NUBPL: variants seen among roughly 807,000 people sequenced by gnomAD.
NUBPL encodes iron-sulfur cluster transfer protein NUBPL.
NUBPL carries 31 observed loss-of-function variants against 45.7 expected under a neutral mutation model. The observed-to-expected ratio is 0.68, with a 90% CI of 0.51 to 0.92. The LOEUF (loss-of-function observed/expected upper bound fraction) is 0.92. NUBPL is among the 40% of genes least tolerant of loss of function. The pLI is 0.00. For synonymous variants in NUBPL, 144 were observed against 140.9 expected (o/e 1.02, Z -0.15); for missense variants, 401 against 398.7 (o/e 1.01, Z -0.05).
At chr14:31,857,993 C>T (rs2040652065) in intron 10 of NUBPL, among the ~76,000 whole-genome samples, 1 of 152,154 alleles carries the variant, frequency 6.6e-6, no homozygotes, top group Admixed American at 6.5e-5. Flanking sequence ...TGTTTTCACA[C>T]TGCTGATAAA....
chr14:31,697,666 G>T (rs560292538), intron 6 of NUBPL, among the ~76,000 whole-genome samples: 128 of 152,304 alleles, frequency 8.4e-4, no homozygotes, highest in African/African-American at 3.0e-3. Context: ...CTGACCAGCA[G>T]AGTTAAAGAG....
intron 3 of NUBPL, among the ~76,000 whole-genome samples, chr14:31,570,102 C>T (rs1166419273): frequency 1.3e-5 from 2 of 152,096 alleles, no homozygotes; most frequent in East Asian, 3.8e-4. Context: ...TTGCCAGACA[C>T]CGGCAGAAAG....
rs141773322 is a variant in NUBPL at position 31,642,107 on chromosome 14, A to G, written c.383-31248A>G. Among the ~76,000 whole-genome samples the G allele has an allele frequency of 0.014, 2,148 of 152,216 alleles. 167 individuals carry two copies. In the East Asian group the frequency reaches 0.23, roughly 17 times the overall value. On this transcript the variant is annotated intron_variant, in intron 4 of 10. Coordinates refer to ENST00000281081, the MANE Select transcript of NUBPL (RefSeq NM_025152.3). ...TCCCTTGTCAGATGGATAGTTTACAAATATTTTCTCTCATTCTGTGGGTGG... is the reference window on the plus strand; with the variant it reads ...TCCCTTGTCAGATGGATAGTTTACAGATATTTTCTCTCATTCTGTGGGTGG...
At chr14:31,655,772 A>G (rs8015640) in intron 4 of NUBPL, among the ~76,000 whole-genome samples, 25,796 of 152,190 alleles carry the variant, frequency 0.17, 6,271 homozygotes, top group African/African-American at 0.54. Flanking sequence ...TTCCATTTAT[A>G]GAGCACAGGC....
At position 31,750,979 on chromosome 14, in the gene NUBPL, G is replaced by GGA. The variant is rs372596077; in HGVS notation, c.514-36787_514-36786dup. ...CATAGAACTTCTTCACATGGTGGCAGGAGAGAGAGAGAGAGTGAAGAGGGA... is the reference window on the plus strand; with the variant it reads ...CATAGAACTTCTTCACATGGTGGCAGGAGAGAGAGAGAGAGAGTGAAGAGGGA... On this transcript the variant is annotated intron_variant, in intron 6 of 10. Transcript: ENST00000281081. Among the ~76,000 whole-genome samples the GGA allele has an allele frequency of 2.4e-3, 362 of 151,918 alleles. 2 individuals are homozygous for GGA. Among genetic ancestry groups the GGA allele is most frequent in the African/African-American group, 8.0e-3 (333 of 41,464 alleles).
At chr14:31,636,201 C>T (rs1223875159) in intron 4 of NUBPL, among the ~76,000 whole-genome samples, 1 of 152,006 alleles carries the variant, frequency 6.6e-6, no homozygotes, top group Non-Finnish European at 1.5e-5. Context: ...AGTTTTTGCC[C>T]ATTCAGTATG....
chr14:31,640,074 A>C (rs1045531863), intron 4 of NUBPL, among the ~76,000 whole-genome samples: 1 of 152,086 alleles, frequency 6.6e-6, no homozygotes, highest in Non-Finnish European at 1.5e-5. Flanking sequence ...CGGCTCCGGC[A>C]CGGTGCACTG....
intron 8 of NUBPL, among the ~76,000 whole-genome samples, chr14:31,831,525 A>G (rs553756446): frequency 1.3e-3 from 131 of 103,244 alleles, no homozygotes; most frequent in African/African-American, 4.5e-3. Flanking sequence ...TACTATACTC[A>G]TACTATAAGC....
chr14:31,645,774 A>ACCCC (rs35803247), intron 4 of NUBPL, among the ~76,000 whole-genome samples: 15 of 82,812 alleles, frequency 1.8e-4, no homozygotes, highest in East Asian at 4.9e-4. Flanking sequence ...TATACTTTAC[A>ACCCC]CCCCCCCCCC....
intron 10 of NUBPL, among the ~76,000 whole-genome samples, chr14:31,856,172 G>A (rs2040615205): frequency 6.6e-6 from 1 of 152,162 alleles, no homozygotes; most frequent in South Asian, 2.1e-4. Flanking sequence ...AAGGTGAATG[G>A]CAAGGAGGAA....
intron 6 of NUBPL, among the ~76,000 whole-genome samples, chr14:31,681,011 T>C (rs1007721506): frequency 1.3e-5 from 2 of 152,168 alleles, no homozygotes; most frequent in Non-Finnish European, 2.9e-5. Context: ...TATTGGTTTG[T>C]AATTTATTTT....
At chr14:31,746,608 A>C (rs895125685) in intron 6 of NUBPL, among the ~76,000 whole-genome samples, 59 of 151,970 alleles carry the variant, frequency 3.9e-4, no homozygotes, top group Admixed American at 3.8e-3. Flanking sequence ...CAATTTTTAC[A>C]TCTATGCTCA....
chr14:31,704,036 T>C (rs2037394296), intron 6 of NUBPL, among the ~76,000 whole-genome samples: 1 of 152,176 alleles, frequency 6.6e-6, no homozygotes, highest in Non-Finnish European at 1.5e-5. Context: ...ACCTGTAACA[T>C]TTCCCTCCTC....
chr14:31,651,067 A>G (rs2139738533), intron 4 of NUBPL, among the ~76,000 whole-genome samples: 1 of 152,352 alleles, frequency 6.6e-6, no homozygotes, highest in East Asian at 1.9e-4. Flanking sequence ...GATGGAGATC[A>G]CATTTCAACA....
intron 3 of NUBPL, among the ~76,000 whole-genome samples, chr14:31,588,774 C>T (rs944930991): frequency 1.3e-5 from 2 of 151,604 alleles, no homozygotes; most frequent in Non-Finnish European, 1.5e-5. Context: ...AAAAAATTAG[C>T]GGGGCGTGGT....
intron 7 of NUBPL, among the ~76,000 whole-genome samples, chr14:31,821,251 G>A (rs536612582): frequency 7.2e-5 from 11 of 152,182 alleles, no homozygotes; most frequent in East Asian, 1.9e-4. Context: ...GTGAAGAAAC[G>A]ACCCGGAAAT....
At chr14:31,699,486 C>T (rs558242710) in intron 6 of NUBPL, among the ~76,000 whole-genome samples, 1 of 152,306 alleles carries the variant, frequency 6.6e-6, no homozygotes, top group East Asian at 1.9e-4. Flanking sequence ...AACTGAGGCA[C>T]AATGAGGTTA....
intron 6 of NUBPL, among the ~76,000 whole-genome samples, chr14:31,706,569 CG>C (rs1566513313): frequency 6.6e-6 from 1 of 151,906 alleles, no homozygotes; most frequent in East Asian, 1.9e-4. Flanking sequence ...CTGTAAATGC[CG>C]GGTGGCATCT....
chr14:31,819,719 C>A (rs1044824409), intron 7 of NUBPL, among the ~76,000 whole-genome samples: 3 of 152,116 alleles, frequency 2.0e-5, no homozygotes, highest in Admixed American at 6.5e-5. Context: ...CAGAATCTGC[C>A]AGACAATCAA....
Sources: gnomAD v4.1 joint callset for allele counts (sites outside exome capture counted in the v4.1 genomes callset) on GRCh38, gnomAD v4.1.1 for gene constraint, MANE v1.5 for transcripts, NCBI Gene and HGNC (gene_info 2026-07-23, HGNC 2026-07-21) for gene names.